CTTNBP2: variants seen among roughly 807,000 people sequenced by gnomAD.
CTTNBP2 encodes the protein cortactin binding protein 2, also known as cortactin-binding protein 2.
In CTTNBP2, 108 loss-of-function variants were observed where a neutral mutation model predicts 156.9. The observed-to-expected ratio is 0.69, with a 90% CI of 0.59 to 0.81. The LOEUF (loss-of-function observed/expected upper bound fraction) is 0.81, where lower values mean the gene tolerates loss of function less well. CTTNBP2 is among the 30% of genes least tolerant of loss of function. The pLI is 0.00. For synonymous variants in CTTNBP2, 767 were observed against 751.8 expected, an observed-to-expected ratio of 1.02 and a Z score of -0.33; for missense variants, 1,924 against 2,035.4, an observed-to-expected ratio of 0.95 and a Z score of 1.05.
intron 17 of CTTNBP2, among the ~76,000 whole-genome samples, chr7:117,726,220 T>C (rs1334031683): frequency 6.6e-6 from 1 of 152,228 alleles, no homozygotes; most frequent in African/African-American, 2.4e-5. Context: ...AAAACACTTA[T>C]ATGATTAAAG....
chr7:117,802,394 TAGA>T (rs1377098758), intron 3 of CTTNBP2, among the ~76,000 whole-genome samples: 8 of 114,080 alleles, frequency 7.0e-5, no homozygotes, highest in Non-Finnish European at 9.5e-5. Context: ...ATAAAAATCC[TAGA>T]AGAAAATCTA....
chr7:117,781,460 G>T (rs1027723080), intron 6 of CTTNBP2, among the ~76,000 whole-genome samples: 3 of 152,138 alleles, frequency 2.0e-5, no homozygotes, highest in African/African-American at 4.8e-5. Flanking sequence ...AACAAATCCA[G>T]CCTGGCACGG....
intron 8 of CTTNBP2, among the ~76,000 whole-genome samples, chr7:117,768,581 AAAAGAAAG>A (rs527295714): frequency 2.0e-5 from 2 of 99,112 alleles, no homozygotes; most frequent in Admixed American, 1.1e-4. Context: ...AAAAAAAAAA[AAAAGAAAG>A]AAAGAAAGAA....
intron 2 of CTTNBP2, among the ~76,000 whole-genome samples, chr7:117,824,787 T>C (rs1455578970): frequency 7.2e-5 from 11 of 152,206 alleles, no homozygotes; most frequent in Non-Finnish European, 2.9e-5. Context: ...AACGCCTAGG[T>C]TTCTTCAAAT....
intron 2 of CTTNBP2, among the ~76,000 whole-genome samples, chr7:117,834,513 CA>C (rs1801811402): frequency 6.6e-6 from 1 of 152,180 alleles, no homozygotes; most frequent in Non-Finnish European, 1.5e-5. Context: ...CTTTACCACT[CA>C]CCCCAGTTAG....
intron 14 of CTTNBP2, among the ~76,000 whole-genome samples, chr7:117,744,041 C>A (rs1348250861): frequency 6.6e-6 from 1 of 151,958 alleles, no homozygotes; most frequent in Non-Finnish European, 1.5e-5. Context: ...ATTGTGGCTA[C>A]ATAGTAGGTG....
intron 2 of CTTNBP2, among the ~76,000 whole-genome samples, chr7:117,817,387 T>TATATATATATATATATATATAA (rs1563037916): frequency 8.6e-6 from 1 of 116,106 alleles, no homozygotes; most frequent in Non-Finnish European, 1.8e-5. Context: ...TATATATATA[T>TATATATATATATATATATATAA]AATTTCATCA....
At chr7:117,772,955 T>A (rs1489598684) in intron 8 of CTTNBP2, among the ~76,000 whole-genome samples, 1 of 152,124 alleles carries the variant, frequency 6.6e-6, no homozygotes, top group Admixed American at 6.6e-5. Context: ...TTCAGTACTC[T>A]TCACTGAACA....
At chr7:117,840,204 T>C (rs962222992) in intron 2 of CTTNBP2, among the ~76,000 whole-genome samples, 1 of 152,042 alleles carries the variant, frequency 6.6e-6, no homozygotes, top group Non-Finnish European at 1.5e-5. Flanking sequence ...GTTCCAGAAA[T>C]AGCCTAGAAG....
At chr7:117,753,462 T>C (rs11974874) in intron 12 of CTTNBP2, among the ~76,000 whole-genome samples, 30,030 of 152,154 alleles carry the variant, frequency 0.2, 6,541 homozygotes, top group African/African-American at 0.54. Context: ...TACGTATGTT[T>C]GCTGCAAGAC....
At chr7:117,838,045 T>A (rs952042330) in intron 2 of CTTNBP2, among the ~76,000 whole-genome samples, 2 of 152,190 alleles carry the variant, frequency 1.3e-5, no homozygotes, top group Non-Finnish European at 1.5e-5. Flanking sequence ...GCCACAAAAC[T>A]GGTTGGTGTA....
chr7:117,793,048 GAAC>G (rs1338333091), intron 3 of CTTNBP2, among the ~76,000 whole-genome samples: 5 of 152,086 alleles, frequency 3.3e-5, no homozygotes, highest in Non-Finnish European at 5.9e-5. Context: ...CAGAAAAAGA[GAAC>G]AATAACCAGA....
At chr7:117,720,998 TAAA>T in intron 20 of CTTNBP2, 66 bp downstream of exon 20, 1 of 997,228 alleles carries the variant, frequency 1.0e-6, no homozygotes, top group Non-Finnish European at 1.6e-6. Flanking sequence ...ATGGAACATT[TAAA>T]ATAGTAATTG....
intron 16 of CTTNBP2, among the ~76,000 whole-genome samples, chr7:117,731,502 C>G (rs1253263454): frequency 1.3e-5 from 2 of 152,154 alleles, no homozygotes; most frequent in Non-Finnish European, 2.9e-5. Flanking sequence ...TGAGAGGAAC[C>G]CGGTCTTGTC....
intron 2 of CTTNBP2, among the ~76,000 whole-genome samples, chr7:117,859,530 G>C (rs974229192): frequency 5.3e-5 from 8 of 152,124 alleles, no homozygotes; most frequent in African/African-American, 1.9e-4. Context: ...GGCACAGCTG[G>C]AGCCCTTCAC....
At chr7:117,778,217 T>C (rs1584988249) in intron 7 of CTTNBP2, among the ~76,000 whole-genome samples, 1 of 152,290 alleles carries the variant, frequency 6.6e-6, no homozygotes, top group East Asian at 1.9e-4. Context: ...CTCTGTGATC[T>C]TAAAATTTTA....
chr7:117,805,697 T>A (rs1226365293), intron 3 of CTTNBP2, among the ~76,000 whole-genome samples: 1 of 152,150 alleles, frequency 6.6e-6, no homozygotes, highest in Non-Finnish European at 1.5e-5. Context: ...TTTTTTCCTA[T>A]CATCAATAAA....
At chr7:117,750,527 G>A (rs371052238) in intron 12 of CTTNBP2, among the ~76,000 whole-genome samples, 160 of 152,078 alleles carry the variant, frequency 1.1e-3, no homozygotes, top group African/African-American at 3.7e-3. Context: ...CATTTCATTC[G>A]TAGGTTTCTC....
chr7:117,781,669 C>T (rs773761781), intron 6 of CTTNBP2, among the ~76,000 whole-genome samples: 10 of 152,112 alleles, frequency 6.6e-5, no homozygotes, highest in East Asian at 1.9e-4. Flanking sequence ...ACCCAGGAGG[C>T]GGAGGTTGCA....
Sources: gnomAD v4.1 joint callset for allele counts (sites outside exome capture counted in the v4.1 genomes callset) on GRCh38, gnomAD v4.1.1 for gene constraint, MANE v1.5 for transcripts, NCBI Gene and HGNC (gene_info 2026-07-23, HGNC 2026-07-21) for gene names.